FEZ1: variants seen among roughly 807,000 people sequenced by gnomAD.
FEZ1 encodes the protein fasciculation and elongation protein zeta 1.
Under a neutral mutation model 49.3 loss-of-function variants are expected in FEZ1, and 20 were observed. That is an observed-to-expected ratio of 0.41 (90% confidence interval 0.29 to 0.59). The LOEUF (loss-of-function observed/expected upper bound fraction) is 0.59, where lower values mean the gene tolerates loss of function less well. Ranked by LOEUF, FEZ1 falls within the 20% of genes least tolerant of loss-of-function variation. The pLI is 0.36. For missense variants in FEZ1, 413 were observed against 476.0 expected (o/e 0.87, Z 1.23); for synonymous variants, 170 against 180.9 (o/e 0.94, Z 0.48).
rs1957095234 is a variant in FEZ1, at chr11:125,463,563, T to C, written c.419A>G (p.Glu140Gly). 1.2e-6 allele frequency: 2 copies of C among 1,604,438 alleles called. No individual in the cohort carries two copies. The highest frequency in any genetic ancestry group is 4.5e-5 in the East Asian group (2 of 44,816). Reference sequence around the variant, plus strand: ...CTCATTGAACTCTTCCTCTTCTTTCTCATGGATCTGGAGAGGAGGTGGGGA... The same window carrying C: ...CTCATTGAACTCTTCCTCTTCTTTCCCATGGATCTGGAGAGGAGGTGGGGA... ...NGNCSDTEIHEKEEEEFNEKS... is the reference protein window; with the variant it reads ...NGNCSDTEIHGKEEEEFNEKS... Residue 140 changes from glutamate to glycine, a missense_variant, in exon 4 of 10, where the codon GAG becomes GGG. Physicochemically the swap from Glu to Gly is moderately conservative, Grantham distance 98 (BLOSUM62 -2). Transcript: ENST00000278919.
At chr11:125,493,522 G>GAA (rs1285748551) in intron 1 of FEZ1, among the ~76,000 whole-genome samples, 1 of 149,612 alleles carries the variant, frequency 6.7e-6, no homozygotes, top group East Asian at 2.0e-4. Flanking sequence ...AAGAAAGAAA[G>GAA]AAAGAAAGAA....
rs1332777463 is a variant in FEZ1 at position 125,495,834 on chromosome 11, A to G, written c.-46+287T>C. On this transcript the variant is annotated intron_variant, in intron 1 of 9. Coordinates refer to ENST00000278919, the MANE Select transcript of FEZ1 (RefSeq NM_005103.5). The surrounding 1 kb of genome is among the most constrained non-coding windows in gnomAD (Gnocchi z 4.2). ...CACACACACACACACACACACACAC[A>G]CCAGGCCTGGCTGGAGGGCCGATGC... 1 of 226,972 alleles carries G rather than the reference A, an allele frequency of 4.4e-6. No individual in the cohort carries two copies. The highest frequency in any genetic ancestry group is 1.4e-4 in the East Asian group (1 of 7,374). 14.1% of individuals were successfully genotyped at this position (226,972 alleles called of 1,614,324 possible). A position where few individuals can be genotyped will look rare whatever the true frequency, so the allele number is the denominator to read the frequency against.
intron 9 of FEZ1, among the ~76,000 whole-genome samples, chr11:125,446,672 T>G (rs1264211322): frequency 6.6e-6 from 1 of 152,082 alleles, no homozygotes; most frequent in East Asian, 1.9e-4. Flanking sequence ...TGTTTTGTTT[T>G]GTGGTTTGTT....
intron 3 of FEZ1, 59 bp from the exon 4 acceptor site, chr11:125,463,629 T>C: frequency 9.7e-7 from 1 of 1,029,630 alleles, no homozygotes; most frequent in Non-Finnish European, 1.5e-6. Context: ...TGGGATTGCC[T>C]CTAGTCTCGA....
chr11:125,475,977 G>C (rs994467928), intron 3 of FEZ1, among the ~76,000 whole-genome samples: 1 of 152,150 alleles, frequency 6.6e-6, no homozygotes, highest in African/African-American at 2.4e-5. Context: ...AAAAAGAAAT[G>C]AACTGTTGCT....
intron 3 of FEZ1, among the ~76,000 whole-genome samples, chr11:125,480,233 G>A (rs780833988): frequency 1.3e-5 from 2 of 152,070 alleles, no homozygotes; most frequent in African/African-American, 4.8e-5. Context: ...AAAATTAGCC[G>A]GGCATGGTGG....
chr11:125,452,710 C>G, intron 7 of FEZ1: 1 of 329,204 alleles, frequency 3.0e-6, no homozygotes, highest in Non-Finnish European at 5.5e-6. Flanking sequence ...GAGAATAAAT[C>G]CAAGGGGATT....
Position 125,495,695 on chromosome 11 carries a change from C to A in FEZ1, c.-46+426G>T. ...TAACGGTCCCGGGACGAGGTACCGA[C>A]CCACTGCCCCAGCGCGATCGGGCGG... On this transcript the variant is annotated intron_variant, in intron 1 of 9. Transcript: ENST00000278919. The surrounding 1 kb of genome is among the most constrained non-coding windows in gnomAD (Gnocchi z 4.2). 2.7e-6 allele frequency: 1 copy of A among 370,012 alleles called. No homozygotes were observed. The highest frequency in any genetic ancestry group is 3.3e-5 in the Admixed American group (1 of 30,632). The allele number at this position is 370,012 out of a possible 1,614,324, so 22.9% of individuals were successfully genotyped here. A position where few individuals can be genotyped will look rare whatever the true frequency, so the allele number is the denominator to read the frequency against.
chr11:125,455,669 G>T (rs1358764460), intron 6 of FEZ1, 166 bp downstream of exon 6: 2 of 724,560 alleles, frequency 2.8e-6, no homozygotes, highest in Non-Finnish European at 5.0e-6. Context: ...GAGTGGAGGA[G>T]ATAGGTGATA....
chr11:125,460,391 C>T, intron 5 of FEZ1, 107 bp downstream of exon 5: 5 of 954,676 alleles, frequency 5.2e-6, no homozygotes, highest in Non-Finnish European at 7.9e-6. Context: ...CAAGGCTCTG[C>T]TCTGAGGCAG....
intron 9 of FEZ1, among the ~76,000 whole-genome samples, chr11:125,448,150 T>G (rs1956914847): frequency 6.6e-6 from 1 of 152,256 alleles, no homozygotes; most frequent in Admixed American, 6.5e-5. Flanking sequence ...TAGTCAATTA[T>G]GTCTCCAGCT....
chr11:125,460,429 C>A, intron 5 of FEZ1, 69 bp downstream of exon 5: 1 of 1,431,478 alleles, frequency 7.0e-7, no homozygotes, highest in South Asian at 1.3e-5. Flanking sequence ...ATGTACAAAG[C>A]ACACAGCCCA....
chr11:125,480,603 G>A (rs1230386759), intron 3 of FEZ1, among the ~76,000 whole-genome samples: 1 of 152,006 alleles, frequency 6.6e-6, no homozygotes. Context: ...TCTTATTTCC[G>A]GCCTGAACTG....
At chr11:125,487,209 G>A (rs1374248021) in intron 2 of FEZ1, among the ~76,000 whole-genome samples, 1 of 152,152 alleles carries the variant, frequency 6.6e-6, no homozygotes, top group Non-Finnish European at 1.5e-5. Flanking sequence ...TGATAGGGGG[G>A]AAATGATTTG....
intron 2 of FEZ1, among the ~76,000 whole-genome samples, chr11:125,481,983 T>G (rs1287239572): frequency 6.6e-6 from 1 of 151,860 alleles, no homozygotes; most frequent in South Asian, 2.1e-4. Context: ...ATCTAAGAGA[T>G]GCCCATGTTT....
intron 3 of FEZ1, among the ~76,000 whole-genome samples, chr11:125,471,171 T>C (rs1192807369): frequency 6.6e-6 from 1 of 151,944 alleles, no homozygotes; most frequent in African/African-American, 2.4e-5. Context: ...AGACAAAAAG[T>C]GTGGAACAGA....
intron 2 of FEZ1, among the ~76,000 whole-genome samples, chr11:125,482,911 G>A (rs1394705038): frequency 2.2e-5 from 3 of 139,026 alleles, no homozygotes; most frequent in African/African-American, 5.3e-5. Context: ...TTAGGAAGTC[G>A]AGGCTGCAGT....
chr11:125,456,293 G>A (rs1160951884), intron 5 of FEZ1, 187 bp from the exon 6 acceptor site: 1 of 508,110 alleles, frequency 2.0e-6, no homozygotes, highest in East Asian at 3.1e-5. Flanking sequence ...CCTGTGTACT[G>A]ACTGCAGAAG....
chr11:125,470,948 C>T (rs1957177813), intron 3 of FEZ1, among the ~76,000 whole-genome samples: 2 of 151,718 alleles, frequency 1.3e-5, no homozygotes, highest in African/African-American at 4.8e-5. Context: ...AATTATAGCA[C>T]AAAAGATGGA....
Sources: allele counts gnomAD v4.1 joint callset (sites outside exome capture counted in the v4.1 genomes callset), GRCh38; gene constraint gnomAD v4.1.1; non-coding constraint Gnocchi (gnomAD v3.1); transcripts MANE v1.5; gene names NCBI Gene and HGNC (gene_info 2026-07-23, HGNC 2026-07-21).